The following WDFY3 variants were observed in gnomAD, a reference collection of about 807,000 sequenced individuals.
The protein encoded by WDFY3 is WD repeat and FYVE domain containing 3, also known as WD repeat and FYVE domain-containing protein 3.
Under a neutral mutation model 409.6 loss-of-function variants are expected in WDFY3, and 66 were observed. That is an observed-to-expected ratio of 0.16 (90% CI 0.13 to 0.20). The LOEUF (loss-of-function observed/expected upper bound fraction) is 0.20, where lower values mean the gene tolerates loss of function less well. WDFY3 is among the 10% of genes least tolerant of loss of function. The probability of loss-of-function intolerance (pLI) is 1.00; values close to 1 mark genes in which losing one functional copy is unlikely to be tolerated. For missense variants in WDFY3, 3,031 were observed against 4,298.1 expected, an observed-to-expected ratio of 0.71 and a Z score of 8.24; for synonymous variants, 1,521 against 1,537.1, an observed-to-expected ratio of 0.99 and a Z score of 0.25.
At chr4:84,940,494 T>C (rs1381525125) in intron 1 of WDFY3, among the ~76,000 whole-genome samples, 5 of 152,166 alleles carry the variant, frequency 3.3e-5, no homozygotes, top group African/African-American at 1.2e-4. Flanking sequence ...TGAAGTGTCA[T>C]TGCCTCCCAT....
At position 84,724,570 on chromosome 4, in the gene WDFY3, C is replaced by A. The variant is rs201478367; in HGVS notation, c.7297G>T (p.Val2433Leu). ...TAGTACTCTTTACTGTCATAACTTA[C>A]GGCTCTTCTATATCGAGCAGGTTTC... ...QKKPARYRRA[V>L]SYDSKEYYMR... Residue 2433 changes from valine (V) to leucine (L), a missense_variant, in exon 46 of 68, where the codon GTA (valine) becomes TTA (leucine). Around this residue, in one of 16 missense-constraint regions of WDFY3, gnomAD observed 127 missense variants for 144.4 expected, o/e 0.88. Transcript: ENST00000295888. 15 of 1,613,034 alleles carry A rather than the reference C, an allele frequency of 9.3e-6. No individual in the cohort carries two copies. Among genetic ancestry groups the A allele is most frequent in the Non-Finnish European group, 1.3e-5 (15 of 1,179,740 alleles).
At position 84,787,616 on chromosome 4, in the gene WDFY3, C is replaced by T. The variant is rs1291839727; in HGVS notation, c.3767G>A (p.Arg1256His). 6.8e-6 allele frequency: 11 copies of T among 1,613,976 alleles called. No individual in the cohort carries two copies. The highest frequency in any genetic ancestry group is 1.7e-5 in the Admixed American group (1 of 59,994). Residue 1256 changes from arginine to histidine, a missense_variant, in exon 23 of 68, where the codon CGC becomes CAC. Physicochemically the swap from Arg to His is conservative, Grantham distance 29. Around this residue, in one of 16 missense-constraint regions of WDFY3, gnomAD observed 1,322 missense variants for 1,697.9 expected, o/e 0.78. Coordinates refer to ENST00000295888, the MANE Select transcript of WDFY3 (RefSeq NM_014991.6). Reference protein sequence around the residue: ...YAYIGTPPAQRQIASLVWRLG... With the variant: ...YAYIGTPPAQHQIASLVWRLG... ...GCGCCAAACCAATGAGGCAATTTGGCGTTGGGCAGGTGGAGTACCAATGTA... is the reference window on the plus strand; with the variant it reads ...GCGCCAAACCAATGAGGCAATTTGGTGTTGGGCAGGTGGAGTACCAATGTA...
rs1315349771 is a variant in WDFY3 at position 84,966,330 on chromosome 4, G to T, written c.-347C>A. ...GGGCGACCGGCGCGACGTCCGCGGCGGGGCCCGGGAGCCCCGCGCCGCGGG... is the reference window on the plus strand; with the variant it reads ...GGGCGACCGGCGCGACGTCCGCGGCTGGGCCCGGGAGCCCCGCGCCGCGGG... On this transcript the variant is annotated 5_prime_UTR_variant, in exon 1 of 68. Transcript: ENST00000295888. 1 of 149,572 alleles carries T rather than the reference G, an allele frequency of 6.7e-6. No individual in the cohort carries two copies. Among genetic ancestry groups the T allele is most frequent in the South Asian group, 2.1e-4 (1 of 4,824 alleles). The allele number at this position is 149,572 out of a possible 1,614,324, so 9.3% of individuals were successfully genotyped here. A position where few individuals can be genotyped will look rare whatever the true frequency, so the allele number is the denominator to read the frequency against.
At chr4:84,825,597 T>C (rs553509238) in intron 10 of WDFY3, among the ~76,000 whole-genome samples, 1 of 152,220 alleles carries the variant, frequency 6.6e-6, no homozygotes, top group Non-Finnish European at 1.5e-5. Flanking sequence ...CAGAGACTCA[T>C]TTAAAAGGTT....
At chr4:84,890,652 T>C (rs1415337536) in intron 3 of WDFY3, among the ~76,000 whole-genome samples, 1 of 152,156 alleles carries the variant, frequency 6.6e-6, no homozygotes, top group African/African-American at 2.4e-5. Context: ...AGAGCCGGGG[T>C]TGAGAAATTT....
chr4:84,728,362 T>C (rs1211464655), intron 44 of WDFY3, among the ~76,000 whole-genome samples: 1 of 151,938 alleles, frequency 6.6e-6, no homozygotes, highest in East Asian at 1.9e-4. Flanking sequence ...ACCCCCCATC[T>C]CTACCAAAAA....
intron 32 of WDFY3, among the ~76,000 whole-genome samples, chr4:84,765,057 A>G (rs1743389592): frequency 6.6e-6 from 1 of 152,216 alleles, no homozygotes; most frequent in African/African-American, 2.4e-5. Context: ...AAGATCAGAC[A>G]CACAAACAAT....
chr4:84,947,710 C>CAAAAAAAAAAA (rs1176852063), intron 1 of WDFY3, among the ~76,000 whole-genome samples: 1 of 77,472 alleles, frequency 1.3e-5, no homozygotes, highest in Non-Finnish European at 2.7e-5. Context: ...CCACATCTAC[C>CAAAAAAAAAAA]AAAAAAAAAA....
intron 32 of WDFY3, among the ~76,000 whole-genome samples, chr4:84,760,101 G>T (rs28859990): frequency 0.034 from 4,888 of 143,424 alleles, 142 homozygotes; most frequent in Admixed American, 0.061. Flanking sequence ...TATGCTGGAT[G>T]ACATTTATTG....
chr4:84,759,219 G>C (rs908067603), intron 32 of WDFY3, among the ~76,000 whole-genome samples: 2 of 152,188 alleles, frequency 1.3e-5, no homozygotes, highest in Non-Finnish European at 2.9e-5. Flanking sequence ...TTGCAGTAGA[G>C]TTTGAAATCA....
chr4:84,678,059 A>G (rs1480160363), intron 66 of WDFY3, 109 bp downstream of exon 66: 18 of 758,054 alleles, frequency 2.4e-5, no homozygotes, highest in Non-Finnish European at 4.2e-5. Context: ...GCTACATACG[A>G]TAATACAAAT....
chr4:84,918,874 T>C (rs753545818), intron 2 of WDFY3, among the ~76,000 whole-genome samples: 52 of 150,874 alleles, frequency 3.4e-4, no homozygotes, highest in South Asian at 1.0e-3. Context: ...CACACACACA[T>C]GTGTACATTT....
At chr4:84,941,924 A>G (rs1469588713) in intron 1 of WDFY3, among the ~76,000 whole-genome samples, 1 of 151,958 alleles carries the variant, frequency 6.6e-6, no homozygotes, top group Non-Finnish European at 1.5e-5. Flanking sequence ...GGGAAGGAAA[A>G]ATTTTTCACT....
intron 22 of WDFY3, among the ~76,000 whole-genome samples, chr4:84,788,507 C>CT (rs1747919649): frequency 6.6e-6 from 1 of 152,064 alleles, no homozygotes; most frequent in Non-Finnish European, 1.5e-5. Flanking sequence ...GAAGGAGCAA[C>CT]GTACTAGAGA....
intron 1 of WDFY3, among the ~76,000 whole-genome samples, chr4:84,933,839 G>A (rs1029289025): frequency 7.9e-5 from 12 of 152,068 alleles, no homozygotes; most frequent in African/African-American, 2.9e-4. Flanking sequence ...CATCTATGTT[G>A]TTGCAAATGA....
chr4:84,829,009 C>A lies in WDFY3; in HGVS notation c.951G>T (p.Leu317Phe). The change falls in exon 9 of 68, where the codon TTG becomes TTT. Residue 317 changes from leucine to phenylalanine, a missense_variant. Physicochemically the swap from Leu to Phe is conservative, Grantham distance 22. Around this residue, in one of 16 missense-constraint regions of WDFY3, gnomAD observed 1,322 missense variants for 1,697.9 expected, o/e 0.78. Coordinates refer to ENST00000295888, the MANE Select transcript of WDFY3 (RefSeq NM_014991.6). ...WQGYNFLCDL[L>F]LRLEQAKEAE... ...CTTAAATTGAGCAGTCTTACCTAAG[C>A]AAGAGATCACAAAGAAAATTATATC... 6.2e-7 allele frequency: 1 copy of A among 1,607,050 alleles called. No individual in the cohort carries two copies. Among genetic ancestry groups the A allele is most frequent in the South Asian group, 1.1e-5 (1 of 89,762 alleles).
In WDFY3 at chr4:84,775,006, CA is replaced by C. The variant is rs752100929; in HGVS notation, c.4593-26del. ...ACTATAAGAGAAAGAAGATTTTATA[CA>C]CTGTACTATCACCTTTTCTATAGCT... On this transcript the variant is annotated intron_variant, in intron 28 of 67. Transcript: ENST00000295888. The C allele has an allele frequency of 1.1e-5, 18 of 1,613,392 alleles. No individual in the cohort carries two copies. In the African/African-American group the frequency reaches 2.4e-4, roughly 22 times the overall value.
At chr4:84,717,129 A>G in intron 48 of WDFY3, 113 bp from the exon 49 acceptor site, 2 of 1,184,234 alleles carry the variant, frequency 1.7e-6, no homozygotes, top group East Asian at 2.9e-5. Flanking sequence ...AGTAATATAT[A>G]TCAGAATTTT....
At chr4:84,919,910 T>A (rs1011410880) in intron 2 of WDFY3, among the ~76,000 whole-genome samples, 1 of 152,116 alleles carries the variant, frequency 6.6e-6, no homozygotes, top group Non-Finnish European at 1.5e-5. Flanking sequence ...AAAATTTCCA[T>A]CACAAATGAA....
Sources: gnomAD v4.1 joint callset for allele counts (sites outside exome capture counted in the v4.1 genomes callset) on GRCh38, gnomAD v4.1.1 for gene constraint, gnomAD v4.1.1 regional missense constraint, MANE v1.5 for transcripts, NCBI Gene and HGNC (gene_info 2026-07-23, HGNC 2026-07-21) for gene names.